The following DDX60 variants were observed in gnomAD, a reference collection of about 807,000 sequenced individuals.
DDX60 encodes probable ATP-dependent RNA helicase DDX60.
A neutral mutation model predicts 212.8 loss-of-function variants in DDX60; 165 were observed. The ratio of observed to expected loss-of-function variants is 0.78; its 90% CI spans 0.68 to 0.88. The LOEUF is 0.88. Among genes scored for constraint, DDX60 ranks in the 40% least tolerant of loss-of-function variants. The pLI is 0.00. For missense variants in DDX60, 1,905 were observed against 2,003.9 expected (o/e 0.95, Z 0.94); for synonymous variants, 703 against 685.3 (o/e 1.03, Z -0.40).
intron 13 of DDX60, among the ~76,000 whole-genome samples, chr4:168,282,995 G>T (rs1248342724): frequency 6.6e-6 from 1 of 152,002 alleles, no homozygotes; most frequent in Non-Finnish European, 1.5e-5. Context: ...GGAATGGAGA[G>T]TTCTAACCTT....
chr4:168,216,903 AT>A lies in DDX60; in HGVS notation c.*29del, dbSNP rs1732864239. The A allele has an allele frequency of 7.1e-7, 1 of 1,403,184 alleles. No individual in the cohort carries two copies. The highest frequency in any genetic ancestry group is 9.7e-7 in the Non-Finnish European group (1 of 1,026,188). The allele number at this position is 1,403,184 out of a possible 1,614,324, so 86.9% of individuals were successfully genotyped here. A position where few individuals can be genotyped will look rare whatever the true frequency, so the allele number is the denominator to read the frequency against. ...TGACCTGAAAAACTACTATGGAATTATTTTTAAGTGGTTTGCATAGACTTTG... is the reference window on the plus strand; with the variant it reads ...TGACCTGAAAAACTACTATGGAATTATTTTAAGTGGTTTGCATAGACTTTG... On this transcript the variant is annotated 3_prime_UTR_variant, in exon 38 of 38. Coordinates refer to ENST00000393743, the MANE Select transcript of DDX60 (RefSeq NM_017631.6).
At chr4:168,228,143 G>A (rs1733323230) in intron 33 of DDX60, among the ~76,000 whole-genome samples, 1 of 152,070 alleles carries the variant, frequency 6.6e-6, no homozygotes, top group South Asian at 2.1e-4. Context: ...GCATGTTACT[G>A]AATTGAACAC....
chr4:168,286,429 GAT>G (rs775264515), intron 10 of DDX60, among the ~76,000 whole-genome samples: 6 of 54,556 alleles, frequency 1.1e-4, no homozygotes, highest in South Asian at 1.3e-3. Flanking sequence ...ACACGAGATA[GAT>G]AGATAGATAG....
chr4:168,302,208 G>A, intron 6 of DDX60, 92 bp downstream of exon 6: 1 of 489,634 alleles, frequency 2.0e-6, no homozygotes, highest in Non-Finnish European at 3.6e-6. Flanking sequence ...GAAGCTGGAT[G>A]AGAAGTACAT....
At chr4:168,241,371 G>A (rs770724201) in intron 30 of DDX60, among the ~76,000 whole-genome samples, 1 of 152,098 alleles carries the variant, frequency 6.6e-6, no homozygotes, top group South Asian at 2.1e-4. Flanking sequence ...CAGTTTGGAG[G>A]GCTCAGAAGC....
intron 3 of DDX60, among the ~76,000 whole-genome samples, chr4:168,309,272 A>T (rs2149552436): frequency 6.6e-6 from 1 of 152,300 alleles, no homozygotes. Context: ...AACCCATATG[A>T]AGTGCCATTA....
intron 25 of DDX60, among the ~76,000 whole-genome samples, chr4:168,256,970 G>A (rs72693137): frequency 0.036 from 5,487 of 152,328 alleles, 139 homozygotes; most frequent in Non-Finnish European, 0.055. Context: ...GAGAGTCTAT[G>A]CCACATGGCA....
Position 168,224,396 on chromosome 4 carries a change from T to C in DDX60, c.4682-11A>G, listed in dbSNP as rs1382461896. On this transcript the variant is annotated splice_polypyrimidine_tract_variant and intron_variant, in intron 34 of 37. Transcript: ENST00000393743. The stretch of plus-strand genomic sequence containing the variant: ...CTTTACCTGTGAATTCTGACAATAA[T>C]AGTTAGGGATAGATTAGTGTTTTGA... The C allele has an allele frequency of 1.2e-6, 2 of 1,609,924 alleles. No individual in the cohort carries two copies. The highest frequency in any genetic ancestry group is 1.7e-6 in the Non-Finnish European group (2 of 1,177,188).
In DDX60 at chr4:168,262,744, C is replaced by T. The variant is rs74374731; in HGVS notation, c.3083G>A (p.Arg1028Gln). ...GGCATCATACAGCTGGATGCTTTCT[C>T]GAGGTGAAAGGGTAAGATCAGGAGG... is the stretch of plus-strand genomic sequence containing the variant. Reference protein sequence around the residue: ...GFPPDLTLSPRESIQLYDAMF... With the variant: ...GFPPDLTLSPQESIQLYDAMF... The change falls in exon 23 of 38, where the codon CGA becomes CAA. Residue 1028 changes from arginine (R) to glutamine (Q), a missense_variant. Arg to Gln is a conservative substitution (Grantham distance 43, BLOSUM62 1). Transcript: ENST00000393743. 2,113 of 1,612,206 alleles carry T rather than the reference C, an allele frequency of 1.3e-3. 25 individuals are homozygous for T. The Admixed American group carries it at 0.017, about 13-fold the overall frequency.
the DDX60 span, among the ~76,000 whole-genome samples, chr4:168,325,554 C>T: frequency 6.6e-6 from 1 of 152,146 alleles, no homozygotes; most frequent in African/African-American, 2.4e-5. Flanking sequence ...GGAAACATTT[C>T]CTCATTTAAG....
chr4:168,280,463 T>G lies in DDX60; in HGVS notation c.1850A>C (p.His617Pro). 6.2e-7 allele frequency: 1 copy of G among 1,614,178 alleles called. No homozygotes were observed. The highest frequency in any genetic ancestry group is 8.5e-7 in the Non-Finnish European group (1 of 1,180,016). ...SIEEQLKENL[H>P]SGIKSLEDFL... Reference sequence around the variant, plus strand: ...ATCTTCCAGGCTCTTTATTCCAGAGTGTAAATTTTCTTTCAATTGCTCTTC... The same window carrying G: ...ATCTTCCAGGCTCTTTATTCCAGAGGGTAAATTTTCTTTCAATTGCTCTTC... Residue 617 changes from histidine to proline, a missense_variant, in exon 14 of 38, where the codon CAC becomes CCC. Transcript: ENST00000393743.
chr4:168,306,621 T>C lies in DDX60; in HGVS notation c.364A>G (p.Thr122Ala), dbSNP rs1162507184. The change falls in exon 5 of 38, where the codon ACA (threonine) becomes GCA (alanine). Residue 122 changes from threonine (T) to alanine (A), a missense_variant. By Grantham distance (58) the Thr-to-Ala change is moderately conservative. Transcript: ENST00000393743. ...QKNTTIDVRT[T>A]FSRCLSKEWG... Reference sequence around the variant, plus strand: ...TCTTTTGATAAGCATCTCGAAAATGTTGTTCGAACATCAATGGTGGTATTC... The same window carrying C: ...TCTTTTGATAAGCATCTCGAAAATGCTGTTCGAACATCAATGGTGGTATTC... The C allele has an allele frequency of 6.2e-7, 1 of 1,614,160 alleles. No homozygotes were observed. The highest frequency in any genetic ancestry group is 1.3e-5 in the African/African-American group (1 of 75,072).
intron 28 of DDX60, among the ~76,000 whole-genome samples, chr4:168,250,503 A>C (rs1279427284): frequency 1.8e-4 from 28 of 152,108 alleles, no homozygotes; most frequent in Admixed American, 1.6e-3. Flanking sequence ...TTTTCAATTA[A>C]ATAAGACAGA....
chr4:168,283,836 G>A (rs886465616), intron 12 of DDX60, among the ~76,000 whole-genome samples: 2 of 116,984 alleles, frequency 1.7e-5, no homozygotes, highest in Non-Finnish European at 3.4e-5. Flanking sequence ...TTAGGTATCA[G>A]GTGCAACAAA....
intron 3 of DDX60, among the ~76,000 whole-genome samples, chr4:168,310,654 T>G (rs971159471): frequency 6.6e-6 from 1 of 152,112 alleles, no homozygotes; most frequent in Non-Finnish European, 1.5e-5. Context: ...GAGAAAGCTA[T>G]TGCAGTTAAG....
At chr4:168,291,935 G>C (rs745892197) in intron 7 of DDX60, 29 bp from the exon 8 acceptor site, 2 of 1,543,858 alleles carry the variant, frequency 1.3e-6, no homozygotes, top group Non-Finnish European at 1.7e-6. Flanking sequence ...GTATAAGCCA[G>C]AGAACAGCAG....
chr4:168,320,189 C>T (rs1737569624), upstream of DDX60, among the ~76,000 whole-genome samples: 1 of 152,170 alleles, frequency 6.6e-6, no homozygotes. Flanking sequence ...CCTATGAATA[C>T]AGTAACTTTC....
At chr4:168,271,561 C>T (rs1735098236) in intron 19 of DDX60, among the ~76,000 whole-genome samples, 1 of 152,256 alleles carries the variant, frequency 6.6e-6, no homozygotes, top group African/African-American at 2.4e-5. Context: ...CTCTATATTA[C>T]TGCACTAACC....
chr4:168,313,784 G>A (rs1223543657), intron 1 of DDX60, among the ~76,000 whole-genome samples: 2 of 152,104 alleles, frequency 1.3e-5, no homozygotes, highest in African/African-American at 4.8e-5. Context: ...TTATTAAGTA[G>A]TTAGATACAA....
Sources: allele counts gnomAD v4.1 joint callset (sites outside exome capture counted in the v4.1 genomes callset), GRCh38; gene constraint gnomAD v4.1.1; transcripts MANE v1.5; gene names NCBI Gene and HGNC (gene_info 2026-07-23, HGNC 2026-07-21).